The following NOX4 variants were observed in gnomAD, a reference collection of about 807,000 sequenced individuals.
NOX4 encodes the protein NADPH oxidase 4, also known as kidney oxidase-1.
NOX4 carries 69 observed loss-of-function variants against 87.6 expected under a neutral mutation model. That is an observed-to-expected ratio of 0.79 (90% CI 0.65 to 0.96). NOX4 has a LOEUF of 0.96. Ranked by LOEUF, NOX4 falls within the 40% of genes least tolerant of loss-of-function variation. The pLI is 0.00. For synonymous variants in NOX4, 275 were observed against 238.2 expected (o/e 1.15, Z -1.42); for missense variants, 680 against 681.5 (o/e 1.00, Z 0.02).
the NOX4 span, among the ~76,000 whole-genome samples, chr11:89,569,793 GGAGATC>G: frequency 3.3e-5 from 5 of 151,866 alleles, no homozygotes; most frequent in Admixed American, 3.3e-4. Flanking sequence ...CACAAGGTCA[GGAGATC>G]GAGACCATCT....
Position 89,421,813 on chromosome 11 carries a change from C to A in NOX4, c.629+89G>T, listed in dbSNP as rs147623728. 25 of 687,944 alleles carry A rather than the reference C, an allele frequency of 3.6e-5. 1 individual carries two copies. The highest frequency in any genetic ancestry group is 5.5e-5 in the Non-Finnish European group (22 of 400,978). The allele number at this position is 687,944 out of a possible 1,614,324, so 42.6% of individuals were successfully genotyped here. A position where few individuals can be genotyped will look rare whatever the true frequency, so the allele number is the denominator to read the frequency against. On this transcript the variant is annotated intron_variant, in intron 8 of 17. Coordinates refer to ENST00000263317, the MANE Select transcript of NOX4 (RefSeq NM_016931.5). ...TTTCTTTCACTCTTGACACTTTTAC[C>A]ACCTCCTATGAAATTTCCTATAGAG... is the stretch of plus-strand genomic sequence containing the variant.
At chr11:89,351,423 A>G (rs893238018) in intron 13 of NOX4, among the ~76,000 whole-genome samples, 6 of 152,240 alleles carry the variant, frequency 3.9e-5, no homozygotes, top group African/African-American at 1.4e-4. Context: ...TCTAGCTGAC[A>G]TAATAGATGA....
intron 16 of NOX4, 42 bp from the exon 17 acceptor site, chr11:89,335,987 G>T: frequency 8.1e-7 from 1 of 1,238,980 alleles, no homozygotes; most frequent in Non-Finnish European, 1.2e-6. Flanking sequence ...ATTTAGTTAA[G>T]TAAACCAGTT....
intron 12 of NOX4, among the ~76,000 whole-genome samples, chr11:89,359,997 G>A (rs1262414154): frequency 1.3e-5 from 2 of 151,646 alleles, no homozygotes; most frequent in Non-Finnish European, 2.9e-5. Context: ...ATCCTTAAGG[G>A]ACATTAAAGA....
At chr11:89,445,228 A>G (rs984741014) in intron 4 of NOX4, among the ~76,000 whole-genome samples, 2 of 152,140 alleles carry the variant, frequency 1.3e-5, no homozygotes, top group African/African-American at 4.8e-5. Flanking sequence ...TATAGTTCAC[A>G]ATATGTGTAG....
chr11:89,566,218 A>AT, the NOX4 span, among the ~76,000 whole-genome samples: 1 of 151,282 alleles, frequency 6.6e-6, no homozygotes, highest in Admixed American at 6.6e-5. Flanking sequence ...AATTTTCTGT[A>AT]TTTTTTAGTA....
chr11:89,392,337 C>T (rs1301288890), intron 11 of NOX4, among the ~76,000 whole-genome samples: 1 of 152,046 alleles, frequency 6.6e-6, no homozygotes. Flanking sequence ...GAGTGAAGGC[C>T]CGGGGTGAGA....
the NOX4 span, among the ~76,000 whole-genome samples, chr11:89,527,022 T>C: frequency 6.6e-6 from 1 of 152,160 alleles, no homozygotes; most frequent in Non-Finnish European, 1.5e-5. Context: ...ATGTCCAGAC[T>C]GAGGTGATCT....
intron 16 of NOX4, among the ~76,000 whole-genome samples, 166 bp downstream of exon 16, chr11:89,337,281 T>C (rs1250405027): frequency 6.6e-6 from 1 of 152,036 alleles, no homozygotes; most frequent in African/African-American, 2.4e-5. Context: ...CATAATGTGG[T>C]TGACTTCAAG....
At chr11:89,567,731 G>T in the NOX4 span, among the ~76,000 whole-genome samples, 2 of 152,244 alleles carry the variant, frequency 1.3e-5, no homozygotes, top group South Asian at 2.1e-4. Flanking sequence ...AACCAGTGGG[G>T]ATTATAATTC....
chr11:89,572,805 G>GT, the NOX4 span, among the ~76,000 whole-genome samples: 1 of 151,546 alleles, frequency 6.6e-6, no homozygotes, highest in African/African-American at 2.4e-5. Flanking sequence ...ATCGAGTTTC[G>GT]TTTTTTGTCT....
At chr11:89,457,921 GA>G (rs548158320) in intron 2 of NOX4, among the ~76,000 whole-genome samples, 2 of 150,380 alleles carry the variant, frequency 1.3e-5, no homozygotes, top group African/African-American at 4.9e-5. Flanking sequence ...ACAAACAAAT[GA>G]AAAAAAAATT....
intron 8 of NOX4, among the ~76,000 whole-genome samples, chr11:89,418,853 C>T (rs1942935801): frequency 6.6e-6 from 1 of 151,896 alleles, no homozygotes; most frequent in Non-Finnish European, 1.5e-5. Context: ...ATTTAAGATT[C>T]TATGAAAAAA....
intron 13 of NOX4, among the ~76,000 whole-genome samples, chr11:89,344,858 A>T (rs1413364841): frequency 6.6e-6 from 1 of 152,202 alleles, no homozygotes; most frequent in Non-Finnish European, 1.5e-5. Flanking sequence ...GTTAATAATC[A>T]GATAATAATC....
At chr11:89,530,969 T>A in the NOX4 span, among the ~76,000 whole-genome samples, 2 of 152,162 alleles carry the variant, frequency 1.3e-5, no homozygotes, top group Non-Finnish European at 2.9e-5. Context: ...ATTCCCAGAA[T>A]ATAATTCCAA....
At chr11:89,346,179 A>G (rs928565726) in intron 13 of NOX4, among the ~76,000 whole-genome samples, 4 of 152,156 alleles carry the variant, frequency 2.6e-5, no homozygotes, top group Non-Finnish European at 5.9e-5. Context: ...GCCCACTTAC[A>G]ATAATTTGTA....
intron 11 of NOX4, among the ~76,000 whole-genome samples, chr11:89,399,128 T>C (rs1941671277): frequency 6.6e-6 from 1 of 151,814 alleles, no homozygotes; most frequent in Non-Finnish European, 1.5e-5. Flanking sequence ...TTTATAATTA[T>C]AATAATATTA....
chr11:89,405,845 C>T (rs1565248475), intron 8 of NOX4, among the ~76,000 whole-genome samples: 1 of 151,718 alleles, frequency 6.6e-6, no homozygotes, highest in South Asian at 2.1e-4. Context: ...GTCTGCAGAG[C>T]TGGGACTGAA....
In NOX4 at chr11:89,477,830, T is replaced by C. The variant is rs374906943; in HGVS notation, c.153+12628A>G. Among the ~76,000 whole-genome samples, 68 of 152,262 alleles carry C rather than the reference T, an allele frequency of 4.5e-4. No homozygotes were observed. The South Asian group carries it at 0.014, about 31-fold the overall frequency. ...GCTAAAATGTGGAAACCACAGCCAA[T>C]TGGAAAACAATTAACTGTGAGCTTA... On this transcript the variant is annotated intron_variant, in intron 2 of 17. Transcript: ENST00000263317.
Sources: gnomAD v4.1 joint callset for allele counts (sites outside exome capture counted in the v4.1 genomes callset) on GRCh38, gnomAD v4.1.1 for gene constraint, MANE v1.5 for transcripts, NCBI Gene and HGNC (gene_info 2026-07-23, HGNC 2026-07-21) for gene names.